Variants in TMEM238 observed in about 807,000 individuals in gnomAD.
TMEM238 encodes transmembrane protein 238.
For missense variants in TMEM238, 169 were observed against 206.8 expected, an observed-to-expected ratio of 0.82 and a Z score of 1.12; for synonymous variants, 103 against 111.5, an observed-to-expected ratio of 0.92 and a Z score of 0.48.
rs1211298282 is a variant in TMEM238 at position 55,383,077 on chromosome 19, G to T, written c.*7+645C>A. ...ACCTTGGAGACCAGTTACATGGAGA[G>T]GATTAAATGGGGCCTGGTCTGGGCT... is the stretch of plus-strand genomic sequence containing the variant. On this transcript the variant is annotated intron_variant, in intron 1 of 1. Transcript: ENST00000444469. The surrounding 1 kb of genome is among the most constrained non-coding windows in gnomAD (Gnocchi z 4.9). Among the ~76,000 whole-genome samples the T allele has an allele frequency of 2.0e-5, 3 of 152,226 alleles. No homozygotes were observed. The highest frequency in any genetic ancestry group is 1.3e-4 in the Admixed American group (2 of 15,286).
At chr19:55,381,369 G>A (rs1431757877) in intron 1 of TMEM238, among the ~76,000 whole-genome samples, 1 of 124,030 alleles carries the variant, frequency 8.1e-6, no homozygotes, top group African/African-American at 3.0e-5. Context: ...AGTGAGCCGA[G>A]ATTGCGCCAC....
rs915802063 is a variant in TMEM238, at chr19:55,383,654, C to G, written c.*7+68G>C. On this transcript the variant is annotated intron_variant, in intron 1 of 1. Transcript: ENST00000444469. The surrounding 1 kb of genome is among the most constrained non-coding windows in gnomAD (Gnocchi z 4.9). ...TGTCTCCATCTGTCCATCGCTCCCC[C>G]GTCTGTCTCCATTCCCGTCCCTCCC... 2 of 214,134 alleles carry G rather than the reference C, an allele frequency of 9.3e-6. No individual in the cohort carries two copies. The highest frequency in any genetic ancestry group is 1.9e-5 in the Non-Finnish European group (2 of 106,364). The allele number at this position is 214,134 out of a possible 1,614,324, so 13.3% of individuals were successfully genotyped here. A position where few individuals can be genotyped will look rare whatever the true frequency, so the allele number is the denominator to read the frequency against.
intron 1 of TMEM238, among the ~76,000 whole-genome samples, chr19:55,381,734 G>A (rs1210374290): frequency 6.6e-6 from 1 of 152,094 alleles, no homozygotes; most frequent in African/African-American, 2.4e-5. Context: ...AGGTGTAACC[G>A]CAAGTTAAGG....
chr19:55,382,444 T>A (rs2123263990), intron 1 of TMEM238, among the ~76,000 whole-genome samples: 1 of 152,238 alleles, frequency 6.6e-6, no homozygotes, highest in South Asian at 2.1e-4. Context: ...CATGGCCATA[T>A]AAGCAGCAAG....
chr19:55,379,724 GAC>G (rs2089877343), intron 1 of TMEM238, among the ~76,000 whole-genome samples: 3 of 152,130 alleles, frequency 2.0e-5, no homozygotes, highest in African/African-American at 7.2e-5. Flanking sequence ...GAGACAGGCA[GAC>G]ACAGTGAAGA....
intron 1 of TMEM238, among the ~76,000 whole-genome samples, chr19:55,380,092 C>T (rs759708272): frequency 1.3e-4 from 20 of 151,876 alleles, no homozygotes; most frequent in East Asian, 5.8e-4. Context: ...GTCTTTCATG[C>T]GCTGGAAGCT....
chr19:55,380,886 C>T (rs1439747459), intron 1 of TMEM238, among the ~76,000 whole-genome samples: 2 of 151,992 alleles, frequency 1.3e-5, no homozygotes, highest in Admixed American at 6.5e-5. Context: ...GGATTACAGG[C>T]ATGAGCCACT....
chr19:55,382,256 A>G (rs1600295467), intron 1 of TMEM238, among the ~76,000 whole-genome samples: 1 of 151,818 alleles, frequency 6.6e-6, no homozygotes, highest in South Asian at 2.1e-4. Flanking sequence ...CTACCCATCC[A>G]CCCATCCAGC....
chr19:55,384,171 C>T lies in TMEM238; in HGVS notation c.89G>A (p.Gly30Asp). ...CAGCGCCATCCGGCAGCGGCCCAGG[C>T]CGGCCGCGGGTGCTGGCGCGGCCGC... ...APAAAPAPAA[G>D]LGRCRMALLL... The change falls in exon 1 of 2, where the codon GGC (glycine) becomes GAC (aspartate). Residue 30 changes from glycine to aspartate, a missense_variant. Coordinates refer to ENST00000444469, the MANE Select transcript of TMEM238 (RefSeq NM_001190764.2). This position sits in a 1 kb window ranked among gnomAD's most constrained non-coding sequence, Gnocchi z 5.6. The T allele has an allele frequency of 8.2e-7, 1 of 1,222,056 alleles. No homozygotes were observed. Among genetic ancestry groups the T allele is most frequent in the Non-Finnish European group, 1.0e-6 (1 of 981,374 alleles). The allele number at this position is 1,222,056 out of a possible 1,614,324, so 75.7% of individuals were successfully genotyped here.
chr19:55,379,779 C>T (rs890868844), intron 1 of TMEM238, among the ~76,000 whole-genome samples: 2 of 152,096 alleles, frequency 1.3e-5, no homozygotes, highest in African/African-American at 2.4e-5. Context: ...CAGACCCTCA[C>T]CCCAGCATTT....
chr19:55,380,215 T>C (rs2089879341), intron 1 of TMEM238, among the ~76,000 whole-genome samples: 2 of 148,946 alleles, frequency 1.3e-5, no homozygotes, highest in East Asian at 3.9e-4. Flanking sequence ...GCTCCAAGAG[T>C]GGAGGCCTGT....
At chr19:55,380,920 G>T (rs920114799) in intron 1 of TMEM238, among the ~76,000 whole-genome samples, 2 of 152,054 alleles carry the variant, frequency 1.3e-5, no homozygotes, top group African/African-American at 2.4e-5. Flanking sequence ...ATTTCCAAAG[G>T]TAACAGTAAC....
intron 1 of TMEM238, among the ~76,000 whole-genome samples, 169 bp from the exon 2 acceptor site, chr19:55,379,536 G>T (rs1418997021): frequency 1.3e-5 from 2 of 152,180 alleles, no homozygotes; most frequent in African/African-American, 4.8e-5. Context: ...TTTGCTGAGT[G>T]TGTGCATGCG....
At position 55,383,100 on chromosome 19, in the gene TMEM238, G is replaced by C. The variant is rs1569037369; in HGVS notation, c.*7+622C>G. On this transcript the variant is annotated intron_variant, in intron 1 of 1. Transcript: ENST00000444469. This position sits in a 1 kb window ranked among gnomAD's most constrained non-coding sequence, Gnocchi z 4.9. ...GAGGATTAAATGGGGCCTGGTCTGG[G>C]CTCAGTGGCTCACGCCTGTAATCCC... Among the ~76,000 whole-genome samples, 2 of 151,946 alleles carry C rather than the reference G, an allele frequency of 1.3e-5. No homozygotes were observed. Among genetic ancestry groups the C allele is most frequent in the East Asian group, 3.9e-4 (2 of 5,170 alleles).
intron 1 of TMEM238, among the ~76,000 whole-genome samples, chr19:55,382,827 T>C (rs1401782141): frequency 4.6e-5 from 7 of 152,204 alleles, no homozygotes; most frequent in Non-Finnish European, 1.0e-4. Context: ...TCTCCTGCTG[T>C]TGGTCCTTCT....
intron 1 of TMEM238, among the ~76,000 whole-genome samples, chr19:55,382,637 G>T (rs760888439): frequency 1.3e-5 from 2 of 152,192 alleles, no homozygotes; most frequent in Admixed American, 1.3e-4. Flanking sequence ...GTGCAGAGAG[G>T]CAGGAGAAAT....
In TMEM238 at chr19:55,383,695, CCCCGCCCTGCCCCG is replaced by C. The variant is rs2089895069; in HGVS notation, c.*7+13_*7+26del. ...CGTCCCTCCCTCGGTCCCTCCGTCT[CCCCGCCCTGCCCCG>C]CCCGCCCCTCACCTGGGCCTCACTC... On this transcript the variant is annotated intron_variant, in intron 1 of 1. Transcript: ENST00000444469. The surrounding 1 kb of genome is among the most constrained non-coding windows in gnomAD (Gnocchi z 4.9). 3.8e-6 allele frequency: 1 copy of C among 262,330 alleles called. No individual in the cohort carries two copies. Among genetic ancestry groups the C allele is most frequent in the Non-Finnish European group, 7.3e-6 (1 of 137,440 alleles). The allele number at this position is 262,330 out of a possible 1,614,324, so 16.3% of individuals were successfully genotyped here.
rs560590039 is a variant in TMEM238, at chr19:55,381,374, C to G, written c.*8-2007G>C. 2.9e-5 allele frequency among the ~76,000 whole-genome samples: 4 copies of G among 137,634 alleles called. No individual in the cohort carries two copies. The South Asian group carries it at 9.5e-4, about 33-fold the overall frequency. The allele number at this position is 137,634 out of a possible 152,430, so 90.3% of individuals were successfully genotyped here. A position where few individuals can be genotyped will look rare whatever the true frequency, so the allele number is the denominator to read the frequency against. On this transcript the variant is annotated intron_variant, in intron 1 of 1. Coordinates refer to ENST00000444469, the MANE Select transcript of TMEM238 (RefSeq NM_001190764.2). ...CAGAGGTTGCAGTGAGCCGAGATTGCGCCACTGCACTCCAGCCTGGACAAC... is the reference window on the plus strand; with the variant it reads ...CAGAGGTTGCAGTGAGCCGAGATTGGGCCACTGCACTCCAGCCTGGACAAC...
At position 55,383,376 on chromosome 19, in the gene TMEM238, A is replaced by C. The variant is rs1219012813; in HGVS notation, c.*7+346T>G. 6.6e-6 allele frequency among the ~76,000 whole-genome samples: 1 copy of C among 152,166 alleles called. No homozygotes were observed. Among genetic ancestry groups the C allele is most frequent in the Non-Finnish European group, 1.5e-5 (1 of 68,020 alleles). ...GGGTGACAGTGAGAGATCCTGTCTC[A>C]AAACAACCCCAAACGACAACAAAAC... is the stretch of plus-strand genomic sequence containing the variant. On this transcript the variant is annotated intron_variant, in intron 1 of 1. Transcript: ENST00000444469. This position sits in a 1 kb window ranked among gnomAD's most constrained non-coding sequence, Gnocchi z 4.9.
Sources: gnomAD v4.1 joint callset for allele counts (sites outside exome capture counted in the v4.1 genomes callset) on GRCh38, gnomAD v4.1.1 for gene constraint, Gnocchi (gnomAD v3.1) non-coding constraint, MANE v1.5 for transcripts, NCBI Gene and HGNC (gene_info 2026-07-23, HGNC 2026-07-21) for gene names.